The following ATL1 variants were observed in gnomAD, a reference collection of about 807,000 sequenced individuals.
The protein encoded by ATL1 is atlastin GTPase 1.
In ATL1, 31 loss-of-function variants were observed where a neutral mutation model predicts 75.5. The observed-to-expected ratio is 0.41, with a 90% confidence interval of 0.31 to 0.55. The LOEUF is 0.55. Among genes scored for constraint, ATL1 ranks in the 20% least tolerant of loss-of-function variants. The pLI is 0.27. For synonymous variants in ATL1, 226 were observed against 233.3 expected, an observed-to-expected ratio of 0.97 and a Z score of 0.28; for missense variants, 405 against 662.6, an observed-to-expected ratio of 0.61 and a Z score of 4.27.
chr14:50,557,542 A>G (rs1197408998), upstream of ATL1, among the ~76,000 whole-genome samples: 1 of 152,218 alleles, frequency 6.6e-6, no homozygotes, highest in Admixed American at 6.5e-5. Context: ...ACACCTACAT[A>G]ACATTCTATT....
intron 1 of ATL1, among the ~76,000 whole-genome samples, chr14:50,570,018 C>G (rs1313961552): frequency 2.0e-5 from 3 of 152,142 alleles, no homozygotes; most frequent in Non-Finnish European, 4.4e-5. Context: ...TATAATGTGT[C>G]TCAATGTGGG....
At chr14:50,557,081 T>G (rs2038773948), upstream of ATL1, among the ~76,000 whole-genome samples, 1 of 152,236 alleles carries the variant, frequency 6.6e-6, no homozygotes, top group African/African-American at 2.4e-5. Context: ...TCCCAAAGTA[T>G]CTGCACCATT....
At chr14:50,544,997 A>G (rs2038613000) in intron 1 of ATL1, among the ~76,000 whole-genome samples, 7 of 150,756 alleles carry the variant, frequency 4.6e-5, no homozygotes, top group African/African-American at 1.7e-4. Flanking sequence ...CCCTCACCAG[A>G]TTACTGAAGG....
intron 1 of ATL1, among the ~76,000 whole-genome samples, chr14:50,561,573 A>C (rs943491413): frequency 1.3e-5 from 2 of 152,186 alleles, no homozygotes; most frequent in African/African-American, 4.8e-5. Flanking sequence ...ACTTTAATCA[A>C]AAGACCGTGT....
intron 4 of ATL1, among the ~76,000 whole-genome samples, chr14:50,592,726 A>G (rs1233995496): frequency 6.6e-6 from 1 of 151,472 alleles, no homozygotes; most frequent in Non-Finnish European, 1.5e-5. Context: ...CCTGGCTAAC[A>G]CGGTGAAACC....
chr14:50,559,036 T>A (rs1005923866), upstream of ATL1: 4 of 152,216 alleles, frequency 2.6e-5, no homozygotes, highest in African/African-American at 9.7e-5. Context: ...GAGGATAACC[T>A]TAGGCAGTTA....
chr14:50,538,959 A>T (rs773025349), intron 1 of ATL1, among the ~76,000 whole-genome samples: 11 of 152,170 alleles, frequency 7.2e-5, no homozygotes, highest in Non-Finnish European at 1.2e-4. Context: ...AGCTGGGACT[A>T]TGGGTGCGCA....
chr14:50,562,383 G>A (rs894812506), intron 1 of ATL1, among the ~76,000 whole-genome samples: 1 of 152,066 alleles, frequency 6.6e-6, no homozygotes, highest in African/African-American at 2.4e-5. Context: ...TCCCTCTTGG[G>A]AACATGGTTC....
intron 11 of ATL1, among the ~76,000 whole-genome samples, chr14:50,625,784 C>T (rs1458958915): frequency 6.6e-6 from 1 of 152,020 alleles, no homozygotes; most frequent in East Asian, 1.9e-4. Flanking sequence ...GAGGCGGGCA[C>T]CTGTAGTCCC....
intron 1 of ATL1, among the ~76,000 whole-genome samples, chr14:50,536,086 C>T (rs376724415): frequency 2.0e-5 from 3 of 152,308 alleles, no homozygotes; most frequent in South Asian, 4.2e-4. Flanking sequence ...CCAATTAAAC[C>T]TCTTTCTTTT....
chr14:50,543,455 A>G (rs1386485979), intron 1 of ATL1, among the ~76,000 whole-genome samples: 4 of 152,244 alleles, frequency 2.6e-5, no homozygotes, highest in South Asian at 2.1e-4. Context: ...GCCACAATTC[A>G]TGGGCTTATG....
Position 50,587,922 on chromosome 14 carries a change from T to C in ATL1, c.126T>C (p.Asp42=), listed in dbSNP as rs1330331510. ...AGPVQVLIVK[D]DHSFELDETA... ...CAGTCCAAGTCCTCATTGTCAAAGA[T>C]GACCATTCCTTTGAGTTAGATGAAA... is the stretch of plus-strand genomic sequence containing the variant. Residue 42 remains aspartate, a synonymous_variant, in exon 2 of 14, where the codon GAT becomes GAC. Coordinates refer to ENST00000358385, the MANE Select transcript of ATL1 (RefSeq NM_015915.5). 1 of 1,613,970 alleles carries C rather than the reference T, an allele frequency of 6.2e-7. No individual in the cohort carries two copies. The highest frequency in any genetic ancestry group is 2.2e-5 in the East Asian group (1 of 44,892).
chr14:50,629,396 A>G (rs1487156763), intron 12 of ATL1, among the ~76,000 whole-genome samples: 1 of 152,078 alleles, frequency 6.6e-6, no homozygotes, highest in African/African-American at 2.4e-5. Context: ...AGCCTGGCCA[A>G]CATGGAGAAA....
At position 50,610,866 on chromosome 14, in the gene ATL1, G is replaced by A. The variant is rs372415209; in HGVS notation, c.631-2393G>A. Among the ~76,000 whole-genome samples the A allele has an allele frequency of 1.2e-3, 189 of 152,116 alleles. 2 individuals are homozygous for A. In the South Asian group the frequency reaches 0.033, roughly 26 times the overall value. On this transcript the variant is annotated intron_variant, in intron 6 of 13. Transcript: ENST00000358385. ...TTTGGAGTTATCTATTTCTTTTTCC[G>A]TCTAGTTCCCCTTCTAGCAATAGAA...
intron 6 of ATL1, among the ~76,000 whole-genome samples, chr14:50,600,421 A>T (rs1335257317): frequency 6.6e-6 from 1 of 152,182 alleles, no homozygotes; most frequent in African/African-American, 2.4e-5. Context: ...ACTCTTAACT[A>T]CCTGAAATTG....
intron 1 of ATL1, among the ~76,000 whole-genome samples, chr14:50,535,604 A>G (rs930254294): frequency 6.6e-6 from 1 of 150,882 alleles, no homozygotes. Flanking sequence ...AATTAGGGCC[A>G]CTTGTCTTTT....
At chr14:50,589,811 T>G (rs2039139152) in intron 2 of ATL1, among the ~76,000 whole-genome samples, 1 of 152,222 alleles carries the variant, frequency 6.6e-6, no homozygotes, top group Non-Finnish European at 1.5e-5. Context: ...AATACATTTT[T>G]CTTTAAATTA....
In ATL1 at chr14:50,592,682, C is replaced by T. The variant is rs532308493; in HGVS notation, c.522+1043C>T. 6.6e-4 allele frequency among the ~76,000 whole-genome samples: 100 copies of T among 151,746 alleles called. 1 individual carries two copies. The Middle Eastern group carries it at 0.01, about 16-fold the overall frequency. ...ATCCCAGCACTTTGGGAGGCCGAGG[C>T]GGGCGGATCACGAGGTCAGGAGATC... On this transcript the variant is annotated intron_variant, in intron 4 of 13. Transcript: ENST00000358385.
chr14:50,631,430 A>C (rs1400853325), intron 13 of ATL1, among the ~76,000 whole-genome samples: 2 of 152,214 alleles, frequency 1.3e-5, no homozygotes, highest in Non-Finnish European at 2.9e-5. Flanking sequence ...TACGAACTCC[A>C]GAACTAAATC....
Sources: allele counts gnomAD v4.1 joint callset (sites outside exome capture counted in the v4.1 genomes callset), GRCh38; gene constraint gnomAD v4.1.1; transcripts MANE v1.5; gene names NCBI Gene and HGNC (gene_info 2026-07-23, HGNC 2026-07-21).